Variants in DST observed in about 807,000 individuals in gnomAD.
The protein encoded by DST is bullous pemphigoid antigen.
DST carries 253 observed loss-of-function variants against 875.2 expected under a neutral mutation model. That is an observed-to-expected ratio of 0.29 (90% CI 0.26 to 0.32). DST has a LOEUF of 0.32. DST is among the 10% of genes least tolerant of loss of function. The probability of loss-of-function intolerance (pLI) is 1.00; values close to 1 mark genes in which losing one functional copy is unlikely to be tolerated. For synonymous variants in DST, 3,124 were observed against 3,197.1 expected (o/e 0.98, Z 0.77); for missense variants, 8,287 against 9,111.6 (o/e 0.91, Z 3.68).
chr6:56,615,858 ACAT>A (rs1173389422), intron 36 of DST: 5 of 1,614,082 alleles, frequency 3.1e-6, no homozygotes, highest in Non-Finnish European at 3.4e-6. Context: ...TCCACCACTG[ACAT>A]CATTTTGTTA....
At position 56,606,049 on chromosome 6, in the gene DST, A is replaced by G; in HGVS notation, c.8579T>C (p.Leu2860Pro). 1 of 1,613,084 alleles carries G rather than the reference A, an allele frequency of 6.2e-7. No homozygotes were observed. Among genetic ancestry groups the G allele is most frequent in the Non-Finnish European group, 8.5e-7 (1 of 1,179,328 alleles). Reference sequence around the variant, plus strand: ...AGAGCTACAACTGTGCATTTTATCCAGAAGAATCATTGTATTAATATTTTC... The same window carrying G: ...AGAGCTACAACTGTGCATTTTATCCGGAAGAATCATTGTATTAATATTTTC... Reference protein sequence around the residue: ...ENENINTMILLDKMHSCSSLE... With the variant: ...ENENINTMILPDKMHSCSSLE... The change falls in exon 40 of 104, where the codon CTG (leucine) becomes CCG (proline). Residue 2860 changes from leucine (L) to proline (P), a missense_variant. By Grantham distance (98) the Leu-to-Pro change is moderately conservative. This residue lies in a region of DST where 3,138 missense variants were observed against 3,116.6 expected (regional missense o/e 1.01). Coordinates refer to ENST00000680361, the MANE Select transcript of DST (RefSeq NM_001374736.1).
intron 4 of DST, among the ~76,000 whole-genome samples, chr6:56,848,490 T>C (rs1420218500): frequency 6.6e-6 from 1 of 152,184 alleles, no homozygotes; most frequent in Non-Finnish European, 1.5e-5. Context: ...ATAACAAAAT[T>C]AGAAGTTGAA....
intron 5 of DST, among the ~76,000 whole-genome samples, chr6:56,727,177 C>A (rs1007248136): frequency 6.6e-6 from 1 of 152,190 alleles, no homozygotes; most frequent in Admixed American, 6.5e-5. Context: ...AGAATGCAAT[C>A]ATTTGTCTCT....
intron 55 of DST, among the ~76,000 whole-genome samples, chr6:56,565,001 A>G (rs1325137854): frequency 1.3e-5 from 2 of 151,950 alleles, no homozygotes; most frequent in East Asian, 3.9e-4. Flanking sequence ...ATCGATGTTC[A>G]TCAGGGATCT....
intron 85 of DST, among the ~76,000 whole-genome samples, chr6:56,490,995 A>T (rs1199775154): frequency 6.6e-6 from 1 of 152,228 alleles, no homozygotes; most frequent in African/African-American, 2.4e-5. Context: ...AGAAACATTT[A>T]TAAACTGATG....
chr6:56,912,957 T>TACCTCCTACATA (rs1489127492), intron 2 of DST, among the ~76,000 whole-genome samples: 1 of 152,214 alleles, frequency 6.6e-6, no homozygotes, highest in African/African-American at 2.4e-5. Flanking sequence ...ACCACAGAGC[T>TACCTCCTACATA]GGTGGCAAAA....
intron 82 of DST, among the ~76,000 whole-genome samples, chr6:56,495,686 G>T (rs2152447611): frequency 1.3e-5 from 2 of 152,018 alleles, no homozygotes; most frequent in East Asian, 3.9e-4. Flanking sequence ...TACTTTTCCA[G>T]TGAAACAAAT....
intron 2 of DST, among the ~76,000 whole-genome samples, chr6:56,953,304 G>C (rs557582676): frequency 1.3e-5 from 2 of 152,290 alleles, no homozygotes; most frequent in South Asian, 2.1e-4. Context: ...TCATCGCTTT[G>C]CAAAAATCAT....
chr6:56,756,940 A>G (rs1162422962), intron 4 of DST, among the ~76,000 whole-genome samples: 1 of 152,214 alleles, frequency 6.6e-6, no homozygotes, highest in Non-Finnish European at 1.5e-5. Flanking sequence ...TTTCAAGAGA[A>G]GTATTAATAA....
chr6:56,667,816 T>C (rs2099079451), intron 10 of DST, among the ~76,000 whole-genome samples: 1 of 147,748 alleles, frequency 6.8e-6, no homozygotes, highest in Non-Finnish European at 1.5e-5. Context: ...ATGCATTATA[T>C]ATATATATAT....
At chr6:56,638,522 C>T (rs192443236) in intron 22 of DST, among the ~76,000 whole-genome samples, 317 of 151,962 alleles carry the variant, frequency 2.1e-3, no homozygotes, top group Non-Finnish European at 3.5e-3. Flanking sequence ...CATTTTTTTT[C>T]CTCTGGCAAA....
At chr6:56,777,202 A>C (rs1262748906) in intron 4 of DST, among the ~76,000 whole-genome samples, 1 of 152,138 alleles carries the variant, frequency 6.6e-6, no homozygotes, top group Admixed American at 6.5e-5. Flanking sequence ...GTTTAAGGCA[A>C]TCCAACAAAT....
chr6:56,482,076 G>A lies in DST; in HGVS notation c.21505C>T (p.Leu7169Phe). ...TTATGCTGATCAATGAGAGTCCGGA[G>A]AGCATCCTCATCATCTGGGAGGACA... ...HGVLPDDEDA[L>F]RTLIDQHKEF... The change falls in exon 90 of 104, where the codon CTC (leucine) becomes TTC (phenylalanine). Residue 7169 changes from leucine to phenylalanine, a missense_variant. By Grantham distance (22) the Leu-to-Phe change is conservative. Transcript: ENST00000680361. 7 of 1,613,566 alleles carry A rather than the reference G, an allele frequency of 4.3e-6. No individual in the cohort carries two copies. The highest frequency in any genetic ancestry group is 5.9e-6 in the Non-Finnish European group (7 of 1,179,780).
intron 49 of DST, among the ~76,000 whole-genome samples, chr6:56,585,849 G>T (rs917874311): frequency 6.2e-4 from 93 of 150,186 alleles, no homozygotes; most frequent in Non-Finnish European, 9.8e-4. Context: ...CATTTCGTTA[G>T]GTACCCAGTA....
intron 9 of DST, chr6:56,692,768 CAGG>C (rs1490127792): frequency 2.6e-5 from 34 of 1,289,724 alleles, no homozygotes; most frequent in South Asian, 4.9e-5. Context: ...CTGTCTTTAG[CAGG>C]AGAAGTGTTC....
intron 60 of DST, among the ~76,000 whole-genome samples, chr6:56,555,131 C>T (rs1041354916): frequency 1.3e-5 from 2 of 152,066 alleles, no homozygotes; most frequent in East Asian, 1.9e-4. Context: ...GCCAATTTTG[C>T]CAACAGATTA....
At chr6:56,508,272 G>C (rs929665149) in intron 75 of DST, among the ~76,000 whole-genome samples, 3 of 152,116 alleles carry the variant, frequency 2.0e-5, no homozygotes, top group Non-Finnish European at 4.4e-5. Context: ...GGCCTCAAGT[G>C]ATCCGCCCAC....
chr6:56,742,192 G>T, intron 4 of DST: 2 of 903,966 alleles, frequency 2.2e-6, no homozygotes, highest in African/African-American at 1.7e-5. Flanking sequence ...CTATCGCCAT[G>T]CAAACCAAAG....
At chr6:56,918,872 T>G (rs1000002422) in intron 2 of DST, among the ~76,000 whole-genome samples, 2 of 152,190 alleles carry the variant, frequency 1.3e-5, no homozygotes, top group African/African-American at 4.8e-5. Context: ...CCAGCCTGGG[T>G]GACGGAGTGA....
Sources: gnomAD v4.1 joint callset for allele counts (sites outside exome capture counted in the v4.1 genomes callset) on GRCh38, gnomAD v4.1.1 for gene constraint, gnomAD v4.1.1 regional missense constraint, MANE v1.5 for transcripts, NCBI Gene and HGNC (gene_info 2026-07-23, HGNC 2026-07-21) for gene names.